Variants in TBC1D22B observed in about 807,000 individuals in gnomAD.
TBC1D22B encodes the protein chromosome 6 open reading frame 197.
Under a neutral mutation model 69.1 loss-of-function variants are expected in TBC1D22B, and 32 were observed. The ratio of observed to expected loss-of-function variants is 0.46; its 90% confidence interval spans 0.35 to 0.62. The LOEUF (loss-of-function observed/expected upper bound fraction) is 0.62, where lower values mean the gene tolerates loss of function less well. Ranked by LOEUF, TBC1D22B falls within the 20% of genes least tolerant of loss-of-function variation. The probability of loss-of-function intolerance (pLI) is 0.00; values close to 1 mark genes in which losing one functional copy is unlikely to be tolerated. For missense variants in TBC1D22B, 462 were observed against 630.9 expected (o/e 0.73, Z 2.87); for synonymous variants, 206 against 229.8 (o/e 0.90, Z 0.94).
Position 37,269,637 on chromosome 6 carries a change from C to T in TBC1D22B, c.100C>T (p.Arg34Trp), listed in dbSNP as rs201587299. The change falls in exon 2 of 13, where the codon CGG (arginine) becomes TGG (tryptophan). Residue 34 changes from arginine (R) to tryptophan (W), a missense_variant. Physicochemically the swap from Arg to Trp is moderately radical, Grantham distance 101. Transcript: ENST00000373491. The stretch of plus-strand genomic sequence containing the variant: ...AGCACAGCATCCTCCTCTTGACCCA[C>T]GGCTCACCAAAAAGTAAGTCAAGAC... The part of the protein sequence containing the change: ...YGAQHPPLDP[R>W]LTKNFIKERS... 29 of 1,614,110 alleles carry T rather than the reference C, an allele frequency of 1.8e-5. No homozygotes were observed. The highest frequency in any genetic ancestry group is 8.8e-5 in the South Asian group (8 of 91,066).
intron 2 of TBC1D22B, among the ~76,000 whole-genome samples, chr6:37,278,928 C>CAA (rs557025264): frequency 8.6e-5 from 12 of 139,024 alleles, no homozygotes; most frequent in African/African-American, 1.9e-4. Context: ...AACTCTGTCT[C>CAA]AAAAAAAAAA....
At chr6:37,298,549 T>G (rs1385438169) in intron 8 of TBC1D22B, among the ~76,000 whole-genome samples, 5 of 140,732 alleles carry the variant, frequency 3.6e-5, no homozygotes, top group East Asian at 4.1e-4. Flanking sequence ...GTTTTTTTTT[T>G]TTTTTTTTTT....
chr6:37,319,765 A>G (rs1178284363), intron 12 of TBC1D22B, among the ~76,000 whole-genome samples: 1 of 152,238 alleles, frequency 6.6e-6, no homozygotes, highest in African/African-American at 2.4e-5. Flanking sequence ...ATGATAAAAG[A>G]AGAAAATGTG....
chr6:37,266,188 T>A (rs73419842), intron 1 of TBC1D22B, among the ~76,000 whole-genome samples: 4,846 of 152,282 alleles, frequency 0.032, 244 homozygotes, highest in African/African-American at 0.11. Context: ...TTGTACATGA[T>A]ACTAAATCAG....
At chr6:37,325,369 G>A (rs1216393307) in intron 12 of TBC1D22B, among the ~76,000 whole-genome samples, 1 of 151,774 alleles carries the variant, frequency 6.6e-6, no homozygotes, top group Admixed American at 6.6e-5. Context: ...TCCTCCTCCT[G>A]ACTATAGTAT....
intron 8 of TBC1D22B, among the ~76,000 whole-genome samples, chr6:37,299,876 G>C (rs1767508999): frequency 1.3e-5 from 2 of 152,010 alleles, no homozygotes; most frequent in Admixed American, 6.6e-5. Flanking sequence ...GGGCATGGTG[G>C]CGGCTGCCTG....
chr6:37,280,235 C>T (rs1438827143), intron 3 of TBC1D22B, among the ~76,000 whole-genome samples: 1 of 152,152 alleles, frequency 6.6e-6, no homozygotes, highest in African/African-American at 2.4e-5. Context: ...CTTTTGGGGA[C>T]TCTCAGTGTA....
chr6:37,318,446 T>C (rs930818791), intron 12 of TBC1D22B, among the ~76,000 whole-genome samples: 3 of 152,184 alleles, frequency 2.0e-5, no homozygotes, highest in Admixed American at 2.0e-4. Flanking sequence ...TAAATAGAGA[T>C]GCAGACTAGG....
chr6:37,282,156 C>T lies in TBC1D22B; in HGVS notation c.422-29C>T, dbSNP rs114395787. On this transcript the variant is annotated intron_variant, in intron 3 of 12. Transcript: ENST00000373491. ...CAGAATCCATACTCCTCACACAGCC[C>T]GTTCTCTTTCTTTTTCAAATGATCT... is the stretch of plus-strand genomic sequence containing the variant. 39 of 1,611,558 alleles carry T rather than the reference C, an allele frequency of 2.4e-5. No homozygotes were observed. The Admixed American group carries it at 4.2e-4, about 17-fold the overall frequency.
chr6:37,325,174 A>G (rs1184818475), intron 12 of TBC1D22B, among the ~76,000 whole-genome samples: 3 of 151,318 alleles, frequency 2.0e-5, no homozygotes, highest in Admixed American at 2.0e-4. Context: ...TTTTTTTTCC[A>G]CCCATCACAT....
At chr6:37,320,643 A>G (rs1459683405) in intron 12 of TBC1D22B, among the ~76,000 whole-genome samples, 2 of 152,186 alleles carry the variant, frequency 1.3e-5, no homozygotes, top group Non-Finnish European at 2.9e-5. Context: ...CACAGGGGCA[A>G]AGGGCTGGGT....
rs144953941 is a variant in TBC1D22B, at chr6:37,270,810, A to G, written c.113+1160A>G. Among the ~76,000 whole-genome samples the G allele has an allele frequency of 9.5e-4, 144 of 152,204 alleles. 1 individual carries two copies. Among genetic ancestry groups the G allele is most frequent in the Non-Finnish European group, 3.4e-4 (23 of 68,036 alleles). On this transcript the variant is annotated intron_variant, in intron 2 of 12. Coordinates refer to ENST00000373491, the MANE Select transcript of TBC1D22B (RefSeq NM_017772.4). The stretch of plus-strand genomic sequence containing the variant: ...GTTCTCATCTTCCTGGGGCCTGTGT[A>G]TTAGTAGCTGCCCTTTCTTCCTTCA...
At chr6:37,270,206 C>T (rs1766440286) in intron 2 of TBC1D22B, among the ~76,000 whole-genome samples, 1 of 152,136 alleles carries the variant, frequency 6.6e-6, no homozygotes, top group Non-Finnish European at 1.5e-5. Context: ...AATCCCAGCA[C>T]TTTGGGAGGC....
intron 12 of TBC1D22B, among the ~76,000 whole-genome samples, chr6:37,323,579 G>A (rs1167631045): frequency 6.6e-6 from 1 of 152,174 alleles, no homozygotes; most frequent in Non-Finnish European, 1.5e-5. Flanking sequence ...CACTCTGAAG[G>A]TTTCTTTTGT....
chr6:37,316,623 G>T, intron 10 of TBC1D22B, 80 bp from the exon 11 acceptor site: 1 of 1,556,586 alleles, frequency 6.4e-7, no homozygotes, highest in South Asian at 1.1e-5. Context: ...AGTAAGAAGT[G>T]GGAGCTGCTA....
At chr6:37,319,697 G>A (rs1394124328) in intron 12 of TBC1D22B, among the ~76,000 whole-genome samples, 1 of 152,194 alleles carries the variant, frequency 6.6e-6, no homozygotes, top group African/African-American at 2.4e-5. Context: ...TAGAATGGGC[G>A]ATTAAACTGG....
At chr6:37,307,457 G>A (rs1489621817) in intron 8 of TBC1D22B, among the ~76,000 whole-genome samples, 2 of 151,406 alleles carry the variant, frequency 1.3e-5, no homozygotes, top group Non-Finnish European at 2.9e-5. Flanking sequence ...CCGGGTTCAA[G>A]CAATTCTCCT....
chr6:37,277,979 C>G (rs1044416708), intron 2 of TBC1D22B, among the ~76,000 whole-genome samples: 2 of 150,422 alleles, frequency 1.3e-5, no homozygotes, highest in African/African-American at 4.9e-5. Flanking sequence ...AAAAAAAAAG[C>G]TAGACATGGT....
chr6:37,285,046 C>T (rs115535542), intron 6 of TBC1D22B, among the ~76,000 whole-genome samples: 2 of 152,212 alleles, frequency 1.3e-5, no homozygotes, highest in East Asian at 1.9e-4. Context: ...TCATGGTCTG[C>T]GGAAAGGTCT....
Sources: allele counts gnomAD v4.1 joint callset (sites outside exome capture counted in the v4.1 genomes callset), GRCh38; gene constraint gnomAD v4.1.1; transcripts MANE v1.5; gene names NCBI Gene and HGNC (gene_info 2026-07-23, HGNC 2026-07-21).